The following OVCH2 variants were observed in gnomAD, a reference collection of about 807,000 sequenced individuals.
The protein encoded by OVCH2 is ovochymase-2.
A neutral mutation model predicts 73.7 loss-of-function variants in OVCH2; 88 were observed. That is an observed-to-expected ratio of 1.19 (90% CI 1.01 to 1.43). The LOEUF is 1.43. OVCH2 is among the 40% of genes most tolerant of loss of function. OVCH2 has a pLI of 0.00. For missense variants in OVCH2, 706 were observed against 674.5 expected, an observed-to-expected ratio of 1.05 and a Z score of -0.52; for synonymous variants, 265 against 234.5, an observed-to-expected ratio of 1.13 and a Z score of -1.19.
At chr11:7,683,948 C>T in the OVCH2 span, among the ~76,000 whole-genome samples, 1 of 151,776 alleles carries the variant, frequency 6.6e-6, no homozygotes, top group Non-Finnish European at 1.5e-5. Flanking sequence ...CATTCACTAT[C>T]CCCTATTCCT....
intron 12 of OVCH2, among the ~76,000 whole-genome samples, chr11:7,692,213 AG>A (rs1856236222): frequency 1.3e-5 from 2 of 152,230 alleles, no homozygotes; most frequent in Admixed American, 1.3e-4. Flanking sequence ...CCTGAATCAA[AG>A]GGCAGGAAAC....
chr11:7,701,977 T>C (rs1381428684), intron 4 of OVCH2, among the ~76,000 whole-genome samples, 166 bp from the exon 5 acceptor site: 1 of 152,220 alleles, frequency 6.6e-6, no homozygotes, highest in East Asian at 1.9e-4. Context: ...AACCTTCTCC[T>C]GACTCCATGT....
chr11:7,693,439 C>G (rs746983832), intron 12 of OVCH2, among the ~76,000 whole-genome samples: 2 of 152,182 alleles, frequency 1.3e-5, no homozygotes, highest in South Asian at 2.1e-4. Flanking sequence ...CTATCTTACA[C>G]GAGTTCTGCA....
chr11:7,684,414 C>A, the OVCH2 span, among the ~76,000 whole-genome samples: 1 of 151,624 alleles, frequency 6.6e-6, no homozygotes, highest in Non-Finnish European at 1.5e-5. Context: ...AGGACCTGGA[C>A]CCTGAAAAGC....
chr11:7,690,163 A>G, intron 14 of OVCH2, 150 bp from the exon 15 acceptor site: 1 of 592,136 alleles, frequency 1.7e-6, no homozygotes, highest in South Asian at 2.3e-5. Context: ...GGAGTGGGGC[A>G]TTTTAACTAT....
Position 7,695,145 on chromosome 11 carries a change from G to A in OVCH2, c.1326C>T (p.Leu442=), listed in dbSNP as rs374742851. ...TTTCAGGATAGTTTAGACTCTGTAT[G>A]AGACCTTCTTCAAAAAGGACAGTTA... is the stretch of plus-strand genomic sequence containing the variant. ...SYLTVLFEEG[L]IQSLNYPENY... Residue 442 remains leucine (L), a synonymous_variant, in exon 12 of 16, where the codon CTC becomes CTT. Transcript: ENST00000533663. 143 of 1,557,698 alleles carry A rather than the reference G, an allele frequency of 9.2e-5. No homozygotes were observed. Among genetic ancestry groups the A allele is most frequent in the Middle Eastern group, 1.7e-4 (1 of 5,994 alleles).
At position 7,696,697 on chromosome 11, in the gene OVCH2, G is replaced by A. The variant is rs750073902; in HGVS notation, c.1016+12C>T. On this transcript the variant is annotated intron_variant, in intron 9 of 15. Transcript: ENST00000533663. ...GGGAGTAAGGAGGAGGAGTACAAAG[G>A]GGGTTACTCACTGCTTGCTCTCATA... 5 of 1,613,848 alleles carry A rather than the reference G, an allele frequency of 3.1e-6. No individual in the cohort carries two copies. The South Asian group carries it at 5.5e-5, about 18-fold the overall frequency.
the OVCH2 span, among the ~76,000 whole-genome samples, chr11:7,682,146 T>A: frequency 1.3e-5 from 2 of 152,194 alleles, no homozygotes; most frequent in Non-Finnish European, 2.9e-5. Context: ...CAATGAAACA[T>A]CATTCTGAAA....
intron 2 of OVCH2, 63 bp downstream of exon 2, chr11:7,704,501 TA>T: frequency 8.4e-7 from 1 of 1,188,386 alleles, no homozygotes; most frequent in Non-Finnish European, 1.2e-6. Flanking sequence ...AACTTAACCT[TA>T]AAAATATCTA....
chr11:7,705,630 G>A (rs1174003944), intron 1 of OVCH2: 1 of 152,188 alleles, frequency 6.6e-6, no homozygotes, highest in Non-Finnish European at 1.5e-5. Context: ...CACACAGCTG[G>A]ATAATGGCAG....
chr11:7,697,128 C>G (rs1220453799), intron 8 of OVCH2, among the ~76,000 whole-genome samples: 3 of 152,188 alleles, frequency 2.0e-5, no homozygotes, highest in African/African-American at 7.2e-5. Flanking sequence ...CCTCAACCTC[C>G]TGGGCTCAGG....
At position 7,698,862 on chromosome 11, in the gene OVCH2, A is replaced by G. The variant is rs1321051860; in HGVS notation, c.902-89T>C. The G allele has an allele frequency of 5.0e-6, 7 of 1,392,958 alleles. No individual in the cohort carries two copies. The East Asian group carries it at 1.4e-4, about 28-fold the overall frequency. 86.3% of individuals were successfully genotyped at this position (1,392,958 alleles called of 1,614,324 possible). ...TTAGCATCTTCTTGGCGCACAAGAG[A>G]TTTTTAAGTCAATATGCAACTAATA... On this transcript the variant is annotated intron_variant, in intron 7 of 15. Transcript: ENST00000533663.
chr11:7,679,933 A>G, the OVCH2 span, among the ~76,000 whole-genome samples: 1 of 152,234 alleles, frequency 6.6e-6, no homozygotes, highest in Non-Finnish European at 1.5e-5. Context: ...CCTAGGGCAC[A>G]GTGTGCCGGG....
At chr11:7,691,852 A>G (rs543563781) in intron 13 of OVCH2, 50 bp downstream of exon 13, 1 of 1,415,272 alleles carries the variant, frequency 7.1e-7, no homozygotes. Context: ...CCATCTCAAG[A>G]CTGGGTCCAA....
At chr11:7,698,421 C>T (rs1464471113) in intron 8 of OVCH2, among the ~76,000 whole-genome samples, 2 of 152,254 alleles carry the variant, frequency 1.3e-5, no homozygotes, top group East Asian at 3.9e-4. Flanking sequence ...GGGATGAGAC[C>T]CTATATAAGT....
intron 6 of OVCH2, 146 bp downstream of exon 6, chr11:7,701,178 T>C: frequency 9.1e-7 from 1 of 1,096,354 alleles, no homozygotes; most frequent in South Asian, 1.8e-5. Flanking sequence ...TTGACCCTTA[T>C]AGCTTCTTCA....
intron 2 of OVCH2, 103 bp from the exon 3 acceptor site, chr11:7,703,892 G>A (rs940669476): frequency 4.4e-5 from 39 of 893,108 alleles, no homozygotes; most frequent in Non-Finnish European, 6.8e-5. Context: ...TATCACACTC[G>A]TAAATGTCAA....
intron 8 of OVCH2, 75 bp downstream of exon 8, chr11:7,698,675 C>T (rs1856379270): frequency 6.6e-7 from 1 of 1,505,730 alleles, no homozygotes; most frequent in Non-Finnish European, 9.1e-7. Context: ...GAGAGGAAGA[C>T]TTCAGGAACT....
chr11:7,682,291 G>C, the OVCH2 span, among the ~76,000 whole-genome samples: 2 of 152,344 alleles, frequency 1.3e-5, no homozygotes, highest in East Asian at 3.9e-4. Context: ...ATCCAGCCTA[G>C]TGTTCTTCCC....
Sources: gnomAD v4.1 joint callset for allele counts (sites outside exome capture counted in the v4.1 genomes callset) on GRCh38, gnomAD v4.1.1 for gene constraint, MANE v1.5 for transcripts, NCBI Gene and HGNC (gene_info 2026-07-23, HGNC 2026-07-21) for gene names.